Variants in ABL2 observed in about 807,000 individuals in gnomAD.
The protein encoded by ABL2 is ABL proto-oncogene 2, non-receptor tyrosine kinase.
In ABL2, 49 loss-of-function variants were observed where a neutral mutation model predicts 107.7. The observed-to-expected ratio is 0.45, with a 90% CI of 0.36 to 0.58. ABL2 has a LOEUF of 0.58. Ranked by LOEUF, ABL2 falls within the 20% of genes least tolerant of loss-of-function variation. The pLI is 0.00. For missense variants in ABL2, 1,245 were observed against 1,457.0 expected (o/e 0.85, Z 2.37); for synonymous variants, 549 against 548.6 (o/e 1.00, Z -0.01).
intron 1 of ABL2, among the ~76,000 whole-genome samples, chr1:179,187,707 C>A (rs1485231333): frequency 6.6e-6 from 1 of 152,026 alleles, no homozygotes; most frequent in Admixed American, 6.6e-5. Context: ...ACCTCCATTC[C>A]TCAAGGGGTA....
chr1:179,179,734 A>C (rs958851231), intron 1 of ABL2, among the ~76,000 whole-genome samples: 6 of 152,184 alleles, frequency 3.9e-5, no homozygotes, highest in African/African-American at 1.4e-4. Flanking sequence ...AGAGTTAGCC[A>C]CTGAATAAAA....
intron 1 of ABL2, among the ~76,000 whole-genome samples, chr1:179,175,200 C>A (rs899057558): frequency 6.6e-6 from 1 of 152,046 alleles, no homozygotes; most frequent in Admixed American, 6.6e-5. Context: ...TCTTAGAGCA[C>A]TTTTTATTTC....
In ABL2 at chr1:179,100,604, T is replaced by G. The variant is rs879521914; in HGVS notation, c.*7114A>C. The stretch of plus-strand genomic sequence containing the variant: ...TAAAGCCTGCTAGCATTCGACAGTT[T>G]GCCTCCAGCTTTTCTAAAAGGTTAC... On this transcript the variant is annotated 3_prime_UTR_variant, in exon 12 of 12. Coordinates refer to ENST00000502732, the MANE Select transcript of ABL2 (RefSeq NM_007314.4). 4.4e-6 allele frequency: 1 copy of G among 229,566 alleles called. No homozygotes were observed. The highest frequency in any genetic ancestry group is 8.6e-6 in the Non-Finnish European group (1 of 115,730). The allele number at this position is 229,566 out of a possible 1,614,324, so 14.2% of individuals were successfully genotyped here.
At chr1:179,143,742 G>T (rs1170095197) in intron 1 of ABL2, among the ~76,000 whole-genome samples, 4 of 152,226 alleles carry the variant, frequency 2.6e-5, no homozygotes, top group African/African-American at 9.6e-5. Flanking sequence ...TGTCGCCCAG[G>T]CTGGAAGGCA....
intron 6 of ABL2, among the ~76,000 whole-genome samples, 199 bp downstream of exon 6, chr1:179,119,991 C>T (rs1034962300): frequency 3.9e-5 from 6 of 152,022 alleles, no homozygotes; most frequent in African/African-American, 1.4e-4. Flanking sequence ...GGAAAAAAGG[C>T]GGGGCATGGT....
rs28913893 is a variant in ABL2, at chr1:179,107,686, A to G, written c.*32T>C. The G allele has an allele frequency of 1.3e-3, 1,965 of 1,559,728 alleles. 42 individuals carry two copies. In the East Asian group the frequency reaches 0.041, roughly 32 times the overall value. On this transcript the variant is annotated 3_prime_UTR_variant, in exon 12 of 12. Transcript: ENST00000502732. ...AGTCCTTTTCCCTCTCCCCTCAGAA[A>G]TGTGTGCATTTTCCCACCAGGCTAA... is the stretch of plus-strand genomic sequence containing the variant.
At chr1:179,219,681 AGTGATTTCAGATTCTCCT>A (rs1200789550) in intron 1 of ABL2, among the ~76,000 whole-genome samples, 2 of 152,228 alleles carry the variant, frequency 1.3e-5, no homozygotes, top group African/African-American at 4.8e-5. Flanking sequence ...GTAGACCTAA[AGTGATTTCAGATTCTCCT>A]GTGATTTCAG....
chr1:179,112,641 T>C (rs970501112), intron 9 of ABL2, among the ~76,000 whole-genome samples: 3 of 152,124 alleles, frequency 2.0e-5, no homozygotes, highest in Admixed American at 6.6e-5. Context: ...CAGGCTGGAG[T>C]GCAGCTGGCA....
rs1303114142 is a variant in ABL2, at chr1:179,229,640, G to A, written c.-243C>T. 4.0e-6 allele frequency: 2 copies of A among 497,018 alleles called. No individual in the cohort carries two copies. The highest frequency in any genetic ancestry group is 2.9e-5 in the South Asian group (1 of 33,948). 30.8% of individuals were successfully genotyped at this position (497,018 alleles called of 1,614,324 possible). A position where few individuals can be genotyped will look rare whatever the true frequency, so the allele number is the denominator to read the frequency against. ...GCGGCTCCGCGCCCCCAACGCCGCCGCCGCCGCCGCCGCCACCGCCGCCGC... is the reference window on the plus strand; with the variant it reads ...GCGGCTCCGCGCCCCCAACGCCGCCACCGCCGCCGCCGCCACCGCCGCCGC... On this transcript the variant is annotated 5_prime_UTR_variant, in exon 1 of 12. Transcript: ENST00000502732.
At chr1:179,208,775 C>A (rs1283458231) in intron 1 of ABL2, among the ~76,000 whole-genome samples, 6 of 152,198 alleles carry the variant, frequency 3.9e-5, no homozygotes, top group African/African-American at 1.4e-4. Context: ...GTCTGACACA[C>A]AAGCACCCAA....
chr1:179,134,868 T>C (rs1656709869), intron 1 of ABL2, among the ~76,000 whole-genome samples: 1 of 152,188 alleles, frequency 6.6e-6, no homozygotes, highest in African/African-American at 2.4e-5. Context: ...TGCCTGCGAG[T>C]GCAGGCGCGC....
intron 1 of ABL2, among the ~76,000 whole-genome samples, chr1:179,195,503 TA>T (rs1661256560): frequency 6.6e-6 from 1 of 152,206 alleles, no homozygotes; most frequent in Non-Finnish European, 1.5e-5. Flanking sequence ...AGAATTACTG[TA>T]TGATCCAACA....
chr1:179,176,068 C>A (rs1383673382), intron 1 of ABL2, among the ~76,000 whole-genome samples: 1 of 151,916 alleles, frequency 6.6e-6, no homozygotes, highest in Non-Finnish European at 1.5e-5. Flanking sequence ...GTTGGCCAGG[C>A]TAGTCTCAAC....
intron 1 of ABL2, among the ~76,000 whole-genome samples, chr1:179,167,381 T>C (rs948521647): frequency 1.3e-5 from 2 of 152,196 alleles, no homozygotes; most frequent in African/African-American, 2.4e-5. Context: ...TATAAAATTA[T>C]AGATGGCTGA....
At chr1:179,141,115 C>CATAA (rs1553223250) in intron 1 of ABL2, among the ~76,000 whole-genome samples, 1 of 62,922 alleles carries the variant, frequency 1.6e-5, no homozygotes, top group East Asian at 5.4e-4. Flanking sequence ...GACTCTGTCT[C>CATAA]AAAAAAAAAA....
intron 7 of ABL2, among the ~76,000 whole-genome samples, chr1:179,118,011 G>A (rs1484239930): frequency 6.6e-6 from 1 of 152,058 alleles, no homozygotes; most frequent in Non-Finnish European, 1.5e-5. Flanking sequence ...CACTTAGCCG[G>A]GCATGGTGGC....
In ABL2 at chr1:179,108,512, C is replaced by G. The variant is rs2102575674; in HGVS notation, c.2755G>C (p.Ala919Pro). 1.2e-6 allele frequency: 2 copies of G among 1,614,140 alleles called. No individual in the cohort carries two copies. Among genetic ancestry groups the G allele is most frequent in the Non-Finnish European group, 1.7e-6 (2 of 1,180,000 alleles). ...EQPGWPSPAK[A>P]APVLPTTHNH... ...TGAGTGGTTGGGAGGACGGGGGCAG[C>G]CTTGGCTGGAGAAGGCCAGCCCGGC... The change falls in exon 12 of 12, where the codon GCT (alanine) becomes CCT (proline). Residue 919 changes from alanine (A) to proline (P), a missense_variant. By Grantham distance (27) the Ala-to-Pro change is conservative. Around this residue, in one of 3 missense-constraint regions of ABL2, gnomAD observed 761 missense variants for 766.4 expected, o/e 0.99. Transcript: ENST00000502732.
intron 1 of ABL2, chr1:179,184,477 A>C: frequency 1.2e-6 from 1 of 869,542 alleles, no homozygotes; most frequent in South Asian, 1.5e-5. Flanking sequence ...GCAGGTGCTC[A>C]TATGTTAGGA....
Position 179,200,749 on chromosome 1 carries a change from A to G in ABL2, c.157+28492T>C, listed in dbSNP as rs1661621716. 2.0e-5 allele frequency among the ~76,000 whole-genome samples: 3 copies of G among 152,348 alleles called. No individual in the cohort carries two copies. In the South Asian group the frequency reaches 6.2e-4, roughly 32 times the overall value. ...TAGGAGGACTCAGAAAACTCAGCAC[A>G]TAGTTGTACTCATGGCCGTGCTTTA... On this transcript the variant is annotated intron_variant, in intron 1 of 11. Coordinates refer to ENST00000502732, the MANE Select transcript of ABL2 (RefSeq NM_007314.4).
Sources: allele counts gnomAD v4.1 joint callset (sites outside exome capture counted in the v4.1 genomes callset), GRCh38; gene constraint gnomAD v4.1.1; regional missense constraint gnomAD v4.1.1; transcripts MANE v1.5; gene names NCBI Gene and HGNC (gene_info 2026-07-23, HGNC 2026-07-21).